EVI5L: variants seen among roughly 807,000 people sequenced by gnomAD.
The protein encoded by EVI5L is ecotropic viral integration site 5 like.
A neutral mutation model predicts 106.1 loss-of-function variants in EVI5L; 30 were observed. That is an observed-to-expected ratio of 0.28 (90% CI 0.21 to 0.38). EVI5L has a LOEUF of 0.38. EVI5L is among the 10% of genes least tolerant of loss of function. The pLI is 1.00. For missense variants in EVI5L, 809 were observed against 1,098.0 expected (o/e 0.74, Z 3.72); for synonymous variants, 489 against 483.3 (o/e 1.01, Z -0.15).
chr19:7,839,012 A>T (rs1293891770), intron 1 of EVI5L, among the ~76,000 whole-genome samples: 1 of 150,662 alleles, frequency 6.6e-6, no homozygotes, highest in Admixed American at 6.6e-5. Flanking sequence ...GAAAAAAAAA[A>T]AAATCCTTGG....
chr19:7,855,118 T>C (rs554829311), intron 10 of EVI5L, among the ~76,000 whole-genome samples: 280 of 150,150 alleles, frequency 1.9e-3, no homozygotes, highest in Non-Finnish European at 2.7e-3. Flanking sequence ...CTTTTTCTTT[T>C]TTTTTTTTTT....
chr19:7,841,156 A>G (rs1978584169), intron 1 of EVI5L, among the ~76,000 whole-genome samples: 1 of 152,152 alleles, frequency 6.6e-6, no homozygotes, highest in Non-Finnish European at 1.5e-5. Flanking sequence ...CGGGGGAAAC[A>G]CAGAACATGG....
At position 7,863,180 on chromosome 19, in the gene EVI5L, C is replaced by T. The variant is rs1341058454; in HGVS notation, c.2044-5C>T. 5 of 1,553,768 alleles carry T rather than the reference C, an allele frequency of 3.2e-6. No individual in the cohort carries two copies. Among genetic ancestry groups the T allele is most frequent in the East Asian group, 2.4e-5 (1 of 41,598 alleles). Reference sequence around the variant, plus strand: ...TGGCCCCGCGTGACCTGGCGCACCCCGCAGAGGGAGGAAGGCCGCATCCAG... The same window carrying T: ...TGGCCCCGCGTGACCTGGCGCACCCTGCAGAGGGAGGAAGGCCGCATCCAG... On this transcript the variant is annotated splice_polypyrimidine_tract_variant and splice_region_variant and intron_variant, in intron 18 of 19. Transcript: ENST00000538904. This position sits in a 1 kb window ranked among gnomAD's most constrained non-coding sequence, Gnocchi z 7.7.
chr19:7,835,202 A>G lies in EVI5L; in HGVS notation c.-48+4821A>G, dbSNP rs1037397630. ...GGCAAAATACATCATACCCAAGGTTACAAAGATAGAAAGTGGTAGAGGAGG... is the reference window on the plus strand; with the variant it reads ...GGCAAAATACATCATACCCAAGGTTGCAAAGATAGAAAGTGGTAGAGGAGG... On this transcript the variant is annotated intron_variant, in intron 1 of 19. Transcript: ENST00000538904. The surrounding 1 kb of genome is among the most constrained non-coding windows in gnomAD (Gnocchi z 4.1). Among the ~76,000 whole-genome samples the G allele has an allele frequency of 2.0e-5, 3 of 150,920 alleles. No individual in the cohort carries two copies. The highest frequency in any genetic ancestry group is 4.4e-5 in the Non-Finnish European group (3 of 67,524).
chr19:7,846,489 C>T lies in EVI5L; in HGVS notation c.-47-7C>T, dbSNP rs1022569791. On this transcript the variant is annotated splice_polypyrimidine_tract_variant and splice_region_variant and intron_variant, in intron 1 of 19. Transcript: ENST00000538904. ...CAATGCCGACCACGCATGTCTCTGG[C>T]CCCCAGACAGAGCTGTGAACCAACC... is the stretch of plus-strand genomic sequence containing the variant. 6 of 1,555,224 alleles carry T rather than the reference C, an allele frequency of 3.9e-6. No homozygotes were observed. Among genetic ancestry groups the T allele is most frequent in the East Asian group, 4.6e-5 (2 of 43,650 alleles).
intron 1 of EVI5L, among the ~76,000 whole-genome samples, chr19:7,834,869 T>C (rs1486496168): frequency 6.6e-6 from 1 of 152,188 alleles, no homozygotes; most frequent in African/African-American, 2.4e-5. Flanking sequence ...CTCACGCCTA[T>C]AATCCCAGCA....
intron 8 of EVI5L, 105 bp from the exon 9 acceptor site, chr19:7,852,981 C>G: frequency 9.3e-7 from 1 of 1,075,372 alleles, no homozygotes. Context: ...GGCGACACCC[C>G]GGGCAGACCC....
intron 10 of EVI5L, 187 bp downstream of exon 10, chr19:7,853,520 C>G: frequency 1.4e-6 from 1 of 726,760 alleles, no homozygotes; most frequent in Non-Finnish European, 2.2e-6. Flanking sequence ...TGAGCGCCTC[C>G]CCCGCCTGAC....
rs556868121 is a variant in EVI5L at position 7,835,278 on chromosome 19, C to T, written c.-48+4897C>T. The stretch of plus-strand genomic sequence containing the variant: ...ATCCCAGTACTTTGGGAGGCTGAGG[C>T]GGGTGCATCACCTGAGGTCAGGAGT... On this transcript the variant is annotated intron_variant, in intron 1 of 19. Transcript: ENST00000538904. This position sits in a 1 kb window ranked among gnomAD's most constrained non-coding sequence, Gnocchi z 4.1. 3.3e-5 allele frequency among the ~76,000 whole-genome samples: 5 copies of T among 152,184 alleles called. No homozygotes were observed. The highest frequency in any genetic ancestry group is 4.2e-4 in the South Asian group (2 of 4,812).
At position 7,835,310 on chromosome 19, in the gene EVI5L, C is replaced by A. The variant is rs530984147; in HGVS notation, c.-48+4929C>A. Among the ~76,000 whole-genome samples, 1 of 151,768 alleles carries A rather than the reference C, an allele frequency of 6.6e-6. No individual in the cohort carries two copies. The highest frequency in any genetic ancestry group is 1.5e-5 in the Non-Finnish European group (1 of 67,998). Reference sequence around the variant, plus strand: ...ATCACCTGAGGTCAGGAGTTCGAGACCAGCTTGGTTAACACAGTGAAACCC... The same window carrying A: ...ATCACCTGAGGTCAGGAGTTCGAGAACAGCTTGGTTAACACAGTGAAACCC... On this transcript the variant is annotated intron_variant, in intron 1 of 19. Transcript: ENST00000538904. The surrounding 1 kb of genome is among the most constrained non-coding windows in gnomAD (Gnocchi z 4.1).
In EVI5L at chr19:7,862,142, C is replaced by A; in HGVS notation, c.1665C>A (p.Gly555=). The A allele has an allele frequency of 6.4e-7, 1 of 1,572,486 alleles. No homozygotes were observed. The highest frequency in any genetic ancestry group is 2.3e-5 in the East Asian group (1 of 43,368). ...DTWQAHLARG[G]RWKESPRKLV... ...CCCAGGCCCATCTGGCCCGCGGCGG[C>A]CGCTGGAAGGAGTCCCCACGGAAGC... The change falls in exon 16 of 20, where the codon GGC becomes GGA. Residue 555 remains glycine, a synonymous_variant. Transcript: ENST00000538904.
In EVI5L at chr19:7,850,128, C is replaced by T; in HGVS notation, c.753+6C>T. 1 of 1,599,614 alleles carries T rather than the reference C, an allele frequency of 6.3e-7. No individual in the cohort carries two copies. Among genetic ancestry groups the T allele is most frequent in the Non-Finnish European group, 8.5e-7 (1 of 1,173,646 alleles). The stretch of plus-strand genomic sequence containing the variant: ...AGTTCGAGTACATGCTGCAGGTGAG[C>T]AGGGCCGCAGGAGAGCAGGGCTGCA... On this transcript the variant is annotated splice_donor_region_variant and intron_variant, in intron 6 of 19. Transcript: ENST00000538904. This position sits in a 1 kb window ranked among gnomAD's most constrained non-coding sequence, Gnocchi z 5.4.
intron 1 of EVI5L, among the ~76,000 whole-genome samples, chr19:7,841,220 T>G (rs1183315044): frequency 1.3e-5 from 2 of 152,100 alleles, no homozygotes; most frequent in Non-Finnish European, 2.9e-5. Flanking sequence ...TGGGCAACTT[T>G]GGCCAGTTCT....
rs1179290453 is a variant in EVI5L at position 7,863,610 on chromosome 19, C to T, written c.2326C>T (p.Arg776Cys). 1.3e-6 allele frequency: 2 copies of T among 1,568,082 alleles called. No individual in the cohort carries two copies. Among genetic ancestry groups the T allele is most frequent in the East Asian group, 2.4e-5 (1 of 42,110 alleles). Residue 776 changes from arginine to cysteine, a missense_variant, in exon 20 of 20, where the codon CGT becomes TGT. Arg to Cys is a radical substitution (Grantham distance 180, BLOSUM62 -3). Around this residue, in one of 2 missense-constraint regions of EVI5L, gnomAD observed 452 missense variants for 509.9 expected, o/e 0.89. Transcript: ENST00000538904. The surrounding 1 kb of genome is among the most constrained non-coding windows in gnomAD (Gnocchi z 7.7). ...CCCGCGCGATGCGCGCTTCTTCCGC[C>T]GTCTGGAGCGGCCGGCCAAGGACAG... ...LSPRDARFFR[R>C]LERPAKDSEG... is the part of the protein sequence containing the mutation.
chr19:7,843,103 A>G (rs1053635147), intron 1 of EVI5L, among the ~76,000 whole-genome samples: 1 of 135,736 alleles, frequency 7.4e-6, no homozygotes, highest in African/African-American at 2.9e-5. Context: ...GTGTGAGAAT[A>G]GGCATGGGTG....
At chr19:7,852,221 G>A (rs573593) in intron 8 of EVI5L, among the ~76,000 whole-genome samples, 30,145 of 152,254 alleles carry the variant, frequency 0.2, 3,468 homozygotes, top group African/African-American at 0.31. Context: ...CCCTGCTGCT[G>A]GCCAGCCTGC....
At chr19:7,842,396 ATGTGAG>A (rs1568234293) in intron 1 of EVI5L, among the ~76,000 whole-genome samples, 2 of 17,774 alleles carry the variant, frequency 1.1e-4, no homozygotes, top group African/African-American at 1.4e-4. Context: ...GTCTGTGAGA[ATGTGAG>A]TGTGTGTGTA....
In EVI5L at chr19:7,856,993, G is replaced by A. The variant is rs1008948186; in HGVS notation, c.1201-99G>A. The A allele has an allele frequency of 9.6e-6, 12 of 1,250,162 alleles. No individual in the cohort carries two copies. Among genetic ancestry groups the A allele is most frequent in the South Asian group, 6.4e-5 (5 of 78,124 alleles). The allele number at this position is 1,250,162 out of a possible 1,614,324, so 77.4% of individuals were successfully genotyped here. A position where few individuals can be genotyped will look rare whatever the true frequency, so the allele number is the denominator to read the frequency against. On this transcript the variant is annotated intron_variant, in intron 11 of 19. Transcript: ENST00000538904. The surrounding 1 kb of genome is among the most constrained non-coding windows in gnomAD (Gnocchi z 6.6). ...CCCGCTTCTAGAGATAGTCCACTGCGTTAGTGACAAGTGGTTCTTGTCTGT... is the reference window on the plus strand; with the variant it reads ...CCCGCTTCTAGAGATAGTCCACTGCATTAGTGACAAGTGGTTCTTGTCTGT...
chr19:7,851,797 G>T, intron 8 of EVI5L, 27 bp downstream of exon 8: 1 of 1,481,254 alleles, frequency 6.8e-7, no homozygotes, highest in Non-Finnish European at 8.9e-7. Flanking sequence ...AGGGCCGGTG[G>T]GGCTGCCCCC....
Sources: allele counts gnomAD v4.1 joint callset (sites outside exome capture counted in the v4.1 genomes callset), GRCh38; gene constraint gnomAD v4.1.1; regional missense constraint gnomAD v4.1.1; non-coding constraint Gnocchi (gnomAD v3.1); transcripts MANE v1.5; gene names NCBI Gene and HGNC (gene_info 2026-07-23, HGNC 2026-07-21).